Variants in GBE1 observed in about 807,000 individuals in gnomAD.
GBE1 encodes 1,4-alpha-glucan branching enzyme 1.
GBE1 carries 70 observed loss-of-function variants against 88.8 expected under a neutral mutation model. The ratio of observed to expected loss-of-function variants is 0.79; its 90% CI spans 0.65 to 0.96. The LOEUF (loss-of-function observed/expected upper bound fraction) is 0.96, where lower values mean the gene tolerates loss of function less well. Among genes scored for constraint, GBE1 ranks in the 40% least tolerant of loss-of-function variants. GBE1 has a pLI of 0.00. For missense variants in GBE1, 872 were observed against 871.0 expected, an observed-to-expected ratio of 1.00 and a Z score of -0.01; for synonymous variants, 284 against 300.1, an observed-to-expected ratio of 0.95 and a Z score of 0.56.
At chr3:81,625,063 C>G (rs1368189406) in intron 7 of GBE1, among the ~76,000 whole-genome samples, 1 of 129,420 alleles carries the variant, frequency 7.7e-6, no homozygotes, top group Admixed American at 9.6e-5. Flanking sequence ...TTCCCTGCCT[C>G]AGAATCCTGC....
At chr3:81,715,927 G>A (rs1021866876) in intron 1 of GBE1, among the ~76,000 whole-genome samples, 3 of 151,934 alleles carry the variant, frequency 2.0e-5, no homozygotes, top group Non-Finnish European at 4.4e-5. Flanking sequence ...TTTCTAAGTA[G>A]AAAACTTAAA....
At chr3:81,590,508 A>G (rs1419975998) in intron 9 of GBE1, among the ~76,000 whole-genome samples, 1 of 152,094 alleles carries the variant, frequency 6.6e-6, no homozygotes, top group African/African-American at 2.4e-5. Context: ...ATATCATTAC[A>G]GTGCAGCTTT....
chr3:81,536,258 T>C, intron 13 of GBE1, among the ~76,000 whole-genome samples: 1 of 151,686 alleles, frequency 6.6e-6, no homozygotes, highest in East Asian at 1.9e-4. Flanking sequence ...ACATCAACAG[T>C]AATTTCAAAC....
chr3:81,536,084 T>C (rs1343741068), intron 13 of GBE1, among the ~76,000 whole-genome samples: 1 of 151,928 alleles, frequency 6.6e-6, no homozygotes, highest in Non-Finnish European at 1.5e-5. Context: ...GTATTCAACG[T>C]TGTTCCTATT....
At chr3:81,572,281 C>A (rs545921578) in intron 12 of GBE1, among the ~76,000 whole-genome samples, 64 of 152,194 alleles carry the variant, frequency 4.2e-4, no homozygotes, top group African/African-American at 1.5e-3. Context: ...CAGTCTCAGG[C>A]AGTTCTTTAC....
At chr3:81,641,918 A>G (rs1704685938) in intron 7 of GBE1, among the ~76,000 whole-genome samples, 1 of 149,190 alleles carries the variant, frequency 6.7e-6, no homozygotes, top group Non-Finnish European at 1.5e-5. Context: ...TAAAATATAT[A>G]TAATATGTAT....
At chr3:81,691,050 C>T (rs1009571573) in intron 2 of GBE1, among the ~76,000 whole-genome samples, 8 of 151,792 alleles carry the variant, frequency 5.3e-5, no homozygotes, top group Non-Finnish European at 8.8e-5. Context: ...CCTATATGGC[C>T]GATGATGAAG....
intron 1 of GBE1, among the ~76,000 whole-genome samples, chr3:81,741,714 T>C (rs1239041834): frequency 6.6e-6 from 1 of 151,352 alleles, no homozygotes; most frequent in East Asian, 1.9e-4. Flanking sequence ...ACAACACAAA[T>C]ATACACACAT....
At chr3:81,746,572 T>C (rs1575775610) in intron 1 of GBE1, among the ~76,000 whole-genome samples, 2 of 152,222 alleles carry the variant, frequency 1.3e-5, no homozygotes, top group East Asian at 3.9e-4. Context: ...AGAAATGAAA[T>C]TTTTAAAAAT....
At chr3:81,501,240 C>T (rs781593332) in intron 14 of GBE1, among the ~76,000 whole-genome samples, 10 of 152,244 alleles carry the variant, frequency 6.6e-5, no homozygotes, top group East Asian at 1.9e-4. Context: ...GGGAAAACAA[C>T]GAGGAAATAT....
chr3:81,658,475 G>A (rs141183564), intron 3 of GBE1, among the ~76,000 whole-genome samples: 1,694 of 152,186 alleles, frequency 0.011, 20 homozygotes, highest in Non-Finnish European at 0.018. Context: ...AGAAGAAACT[G>A]CAGAATATTG....
intron 2 of GBE1, among the ~76,000 whole-genome samples, chr3:81,682,525 A>G (rs979428446): frequency 2.6e-5 from 4 of 152,194 alleles, no homozygotes; most frequent in African/African-American, 9.6e-5. Flanking sequence ...CAACATTATT[A>G]GTCATGAGGA....
At chr3:81,626,737 T>TAA (rs58831741) in intron 7 of GBE1, among the ~76,000 whole-genome samples, 184 of 141,454 alleles carry the variant, frequency 1.3e-3, no homozygotes, top group East Asian at 9.3e-3. Flanking sequence ...TCAGACTCAT[T>TAA]AAAAAAAAAA....
intron 12 of GBE1, among the ~76,000 whole-genome samples, chr3:81,555,851 T>C (rs1241427574): frequency 1.3e-5 from 2 of 152,180 alleles, no homozygotes; most frequent in African/African-American, 4.8e-5. Flanking sequence ...AACTGCTTTC[T>C]AGAGAATAGA....
chr3:81,519,908 T>C (rs1702849894), intron 14 of GBE1, among the ~76,000 whole-genome samples: 2 of 151,552 alleles, frequency 1.3e-5, no homozygotes, highest in Non-Finnish European at 3.0e-5. Context: ...CTACTTATAT[T>C]CCCAGAAGTA....
At chr3:81,657,046 C>T (rs781249641) in intron 3 of GBE1, among the ~76,000 whole-genome samples, 4 of 150,302 alleles carry the variant, frequency 2.7e-5, no homozygotes, top group Non-Finnish European at 5.9e-5. Context: ...GTTCCAGCTA[C>T]TCGGGAGGCT....
intron 12 of GBE1, among the ~76,000 whole-genome samples, chr3:81,540,976 A>T (rs1174738759): frequency 2.0e-5 from 3 of 152,034 alleles, no homozygotes. Context: ...TGCTCTGGCT[A>T]GAACACTCCT....
intron 7 of GBE1, among the ~76,000 whole-genome samples, chr3:81,609,473 G>A (rs576075612): frequency 2.6e-5 from 4 of 151,892 alleles, no homozygotes; most frequent in Non-Finnish European, 4.4e-5. Flanking sequence ...TCTCAGACAC[G>A]GAAAATATAC....
intron 1 of GBE1, among the ~76,000 whole-genome samples, chr3:81,712,105 C>A (rs1050600145): frequency 7.2e-5 from 11 of 152,124 alleles, no homozygotes; most frequent in African/African-American, 2.7e-4. Flanking sequence ...AAATGAGATA[C>A]CAGCTCACAC....
Sources: gnomAD v4.1 joint callset for allele counts (sites outside exome capture counted in the v4.1 genomes callset) on GRCh38, gnomAD v4.1.1 for gene constraint, MANE v1.5 for transcripts, NCBI Gene and HGNC (gene_info 2026-07-23, HGNC 2026-07-21) for gene names.